Variants in NAV2 observed in about 807,000 individuals in gnomAD.
NAV2 encodes the protein helicase, APC down-regulated 1.
A neutral mutation model predicts 223.2 loss-of-function variants in NAV2; 54 were observed. The ratio of observed to expected loss-of-function variants is 0.24; its 90% CI spans 0.19 to 0.30. The LOEUF (loss-of-function observed/expected upper bound fraction) is 0.30, where lower values mean the gene tolerates loss of function less well. NAV2 is among the 10% of genes least tolerant of loss of function. NAV2 has a pLI of 1.00. For synonymous variants in NAV2, 1,279 were observed against 1,239.3 expected, an observed-to-expected ratio of 1.03 and a Z score of -0.67; for missense variants, 2,806 against 3,147.5, an observed-to-expected ratio of 0.89 and a Z score of 2.60.
chr11:19,602,359 G>C (rs1351181671), intron 1 of NAV2, among the ~76,000 whole-genome samples: 1 of 151,916 alleles, frequency 6.6e-6, no homozygotes, highest in Non-Finnish European at 1.5e-5. Flanking sequence ...TGTATTTTTA[G>C]TAGAGATGGG....
At chr11:19,714,253 G>T in intron 1 of NAV2, 1 of 639,470 alleles carries the variant, frequency 1.6e-6, no homozygotes, top group African/African-American at 1.8e-5. Context: ...CTCAAAAAAC[G>T]TGTGCATCGC....
chr11:19,569,296 G>C (rs1256675883), intron 1 of NAV2, among the ~76,000 whole-genome samples: 2 of 152,226 alleles, frequency 1.3e-5, no homozygotes, highest in East Asian at 3.9e-4. Flanking sequence ...TCATTTTGCA[G>C]GGCTCAGCTC....
intron 10 of NAV2, among the ~76,000 whole-genome samples, chr11:19,955,320 G>GT (rs1408864647): frequency 6.6e-6 from 1 of 151,992 alleles, no homozygotes; most frequent in Non-Finnish European, 1.5e-5. Context: ...AGTCCAGGAG[G>GT]TTGAGGCTGC....
Position 19,566,031 on chromosome 11 carries a change from G to T in NAV2, c.75+215004G>T, listed in dbSNP as rs73422233. Among the ~76,000 whole-genome samples, 770 of 138,588 alleles carry T rather than the reference G, an allele frequency of 5.6e-3. 5 individuals carry two copies. Among genetic ancestry groups the T allele is most frequent in the African/African-American group, 0.019 (729 of 37,394 alleles). 90.9% of individuals were successfully genotyped at this position (138,588 alleles called of 152,430 possible). On this transcript the variant is annotated intron_variant, in intron 1 of 37. Coordinates refer to the NAV2 transcript ENST00000360655. ...TGCAGCATGAAGAGCTATCCAAGGAGATTTTATTTTATTTTATTTTATTTT... is the reference window on the plus strand; with the variant it reads ...TGCAGCATGAAGAGCTATCCAAGGATATTTTATTTTATTTTATTTTATTTT...
chr11:19,361,543 G>A (rs983062579), intron 1 of NAV2, among the ~76,000 whole-genome samples: 7 of 151,990 alleles, frequency 4.6e-5, no homozygotes, highest in Non-Finnish European at 5.9e-5. Flanking sequence ...CCAAAGTTCC[G>A]GGCTCTAAAG....
At chr11:19,795,074 G>A (rs925951110) in intron 1 of NAV2, among the ~76,000 whole-genome samples, 1 of 152,168 alleles carries the variant, frequency 6.6e-6, no homozygotes, top group Admixed American at 6.5e-5. Flanking sequence ...AAACAAGGTT[G>A]AATAACCTGT....
At chr11:19,548,887 A>G (rs2044596945) in intron 1 of NAV2, among the ~76,000 whole-genome samples, 1 of 151,956 alleles carries the variant, frequency 6.6e-6, no homozygotes, top group Middle Eastern at 3.4e-3. Context: ...AAAAAAAAAA[A>G]AAAAAAAAAC....
intron 1 of NAV2, among the ~76,000 whole-genome samples, chr11:19,819,316 A>G (rs910171629): frequency 1.3e-5 from 2 of 152,194 alleles, no homozygotes; most frequent in African/African-American, 4.8e-5. Flanking sequence ...ACGGGGACTG[A>G]CATTTACTTT....
At chr11:19,614,975 C>G (rs1220760991) in intron 1 of NAV2, among the ~76,000 whole-genome samples, 1 of 152,074 alleles carries the variant, frequency 6.6e-6, no homozygotes, top group Admixed American at 6.6e-5. Flanking sequence ...TGTCCCACCC[C>G]CAGTGCTATT....
At chr11:20,007,300 G>A (rs935645553) in intron 11 of NAV2, among the ~76,000 whole-genome samples, 1 of 152,198 alleles carries the variant, frequency 6.6e-6, no homozygotes, top group Non-Finnish European at 1.5e-5. Flanking sequence ...AGGACTTTCT[G>A]AAACAGAAGA....
At chr11:20,111,623 C>A (rs2062643405) in intron 36 of NAV2, among the ~76,000 whole-genome samples, 1 of 152,218 alleles carries the variant, frequency 6.6e-6, no homozygotes, top group African/African-American at 2.4e-5. Flanking sequence ...CTAAAGTCTG[C>A]AGGGTAACTC....
intron 1 of NAV2, among the ~76,000 whole-genome samples, chr11:19,360,643 T>G (rs1853882244): frequency 6.6e-6 from 1 of 152,124 alleles, no homozygotes; most frequent in African/African-American, 2.4e-5. Flanking sequence ...AAACCTAGCT[T>G]TTGAGGGTGG....
intron 1 of NAV2, among the ~76,000 whole-genome samples, chr11:19,651,149 G>GA (rs958612717): frequency 2.6e-5 from 4 of 151,790 alleles, no homozygotes; most frequent in Non-Finnish European, 5.9e-5. Flanking sequence ...CTTGGGAGAA[G>GA]AAAAAAAACA....
intron 1 of NAV2, among the ~76,000 whole-genome samples, chr11:19,618,404 G>GGATGGATGAATGAATA (rs2046871227): frequency 5.4e-5 from 2 of 36,990 alleles, no homozygotes; most frequent in African/African-American, 9.3e-5. Context: ...ATGAATAGAT[G>GGATGGATGAATGAATA]GATGGATGGA....
At chr11:20,007,321 T>G (rs117459826) in intron 11 of NAV2, among the ~76,000 whole-genome samples, 7,721 of 152,038 alleles carry the variant, frequency 0.051, 356 homozygotes, top group Admixed American at 0.084. Flanking sequence ...ATTAGGTGAT[T>G]AAGTAAAATG....
intron 1 of NAV2, chr11:19,505,271 C>T (rs1590354277): frequency 6.6e-6 from 1 of 152,196 alleles, no homozygotes; most frequent in South Asian, 2.1e-4. Flanking sequence ...CTCTGTAGCT[C>T]CTGCCTCTGT....
At chr11:19,783,428 C>G (rs2056883508) in intron 1 of NAV2, among the ~76,000 whole-genome samples, 1 of 152,176 alleles carries the variant, frequency 6.6e-6, no homozygotes, top group Non-Finnish European at 1.5e-5. Context: ...TTCCATCTCT[C>G]CATGTTATCA....
At chr11:19,814,057 G>T (rs536326827) in intron 1 of NAV2, among the ~76,000 whole-genome samples, 26 of 152,274 alleles carry the variant, frequency 1.7e-4, no homozygotes, top group African/African-American at 6.0e-4. Context: ...TCATATGTCC[G>T]CCCAGGGTGA....
chr11:19,505,164 G>A (rs372289076), intron 1 of NAV2: 1 of 152,246 alleles, frequency 6.6e-6, no homozygotes, highest in South Asian at 2.1e-4. Context: ...AGGTTACTGC[G>A]TGAGCACACA....
Sources: gnomAD v4.1 joint callset for allele counts (sites outside exome capture counted in the v4.1 genomes callset) on GRCh38, gnomAD v4.1.1 for gene constraint, MANE v1.5 for transcripts, NCBI Gene and HGNC (gene_info 2026-07-23, HGNC 2026-07-21) for gene names.